ST6GALNAC3: variants seen among roughly 807,000 people sequenced by gnomAD.
ST6GALNAC3 encodes the protein alpha-N-acetylgalactosaminide alpha-2,6-sialyltransferase 3.
Under a neutral mutation model 32.7 loss-of-function variants are expected in ST6GALNAC3, and 25 were observed. That is an observed-to-expected ratio of 0.76 (90% CI 0.56 to 1.07). ST6GALNAC3 has a LOEUF of 1.07. Ranked by LOEUF, ST6GALNAC3 falls within the 50% of genes least tolerant of loss-of-function variation. ST6GALNAC3 has a pLI of 0.00. For missense variants in ST6GALNAC3, 355 were observed against 382.4 expected (o/e 0.93, Z 0.60); for synonymous variants, 129 against 133.1 (o/e 0.97, Z 0.21).
chr1:76,601,499 G>A (rs1396953524), intron 3 of ST6GALNAC3, among the ~76,000 whole-genome samples: 1 of 152,170 alleles, frequency 6.6e-6, no homozygotes, highest in Non-Finnish European at 1.5e-5. Flanking sequence ...AGTTGAAAGA[G>A]AGGATTAAAG....
At chr1:76,275,047 G>A (rs1052880079) in intron 1 of ST6GALNAC3, among the ~76,000 whole-genome samples, 8 of 152,212 alleles carry the variant, frequency 5.3e-5, no homozygotes, top group African/African-American at 1.4e-4. Context: ...TATGCTCTAC[G>A]GAGACAGTGT....
chr1:76,520,628 C>T (rs1015186145), intron 3 of ST6GALNAC3, among the ~76,000 whole-genome samples: 2 of 152,078 alleles, frequency 1.3e-5, no homozygotes, highest in African/African-American at 4.8e-5. Flanking sequence ...CTTTTATCTG[C>T]ATGGCTTATA....
At chr1:76,474,690 C>T (rs941486522) in intron 3 of ST6GALNAC3, among the ~76,000 whole-genome samples, 1 of 152,036 alleles carries the variant, frequency 6.6e-6, no homozygotes, top group Admixed American at 6.6e-5. Context: ...CCTGTTGTTC[C>T]AGCCTAAAGG....
intron 1 of ST6GALNAC3, among the ~76,000 whole-genome samples, chr1:76,201,202 T>A (rs930244880): frequency 3.9e-5 from 6 of 152,292 alleles, no homozygotes; most frequent in Admixed American, 3.9e-4. Context: ...GGGTAATTTA[T>A]AAAGGAAAGA....
intron 3 of ST6GALNAC3, among the ~76,000 whole-genome samples, chr1:76,565,832 CA>C (rs1407344169): frequency 6.6e-6 from 1 of 152,170 alleles, no homozygotes; most frequent in African/African-American, 2.4e-5. Flanking sequence ...GCCCCTGGAA[CA>C]ATGTAGGGGT....
chr1:76,364,758 A>T (rs1408535596), intron 2 of ST6GALNAC3, among the ~76,000 whole-genome samples: 3 of 152,156 alleles, frequency 2.0e-5, no homozygotes, highest in Non-Finnish European at 4.4e-5. Context: ...TATGAGAGAA[A>T]TGTAAACTAA....
At chr1:76,438,681 A>G (rs991612499) in intron 3 of ST6GALNAC3, among the ~76,000 whole-genome samples, 1 of 152,112 alleles carries the variant, frequency 6.6e-6, no homozygotes, top group Non-Finnish European at 1.5e-5. Flanking sequence ...TCTTCTACCT[A>G]TAATTCCAGT....
In ST6GALNAC3 at chr1:76,630,411, T is replaced by C; in HGVS notation, c.*1605T>C. On this transcript the variant is annotated 3_prime_UTR_variant, in exon 5 of 5. Transcript: ENST00000328299. ...GGAAATGAAGGCAGAGAAATATAGT[T>C]TCCTTTCCTAGGATTGAGACAATTC... 1 of 985,212 alleles carries C rather than the reference T, an allele frequency of 1.0e-6. No homozygotes were observed. Among genetic ancestry groups the C allele is most frequent in the African/African-American group, 1.7e-5 (1 of 57,322 alleles). The allele number at this position is 985,212 out of a possible 1,614,324, so 61.0% of individuals were successfully genotyped here. A position where few individuals can be genotyped will look rare whatever the true frequency, so the allele number is the denominator to read the frequency against.
At chr1:76,623,691 G>C (rs984568234) in intron 3 of ST6GALNAC3, among the ~76,000 whole-genome samples, 1 of 151,932 alleles carries the variant, frequency 6.6e-6, no homozygotes, top group African/African-American at 2.4e-5. Context: ...TTCCAAGCTG[G>C]AAATCATAAA....
intron 1 of ST6GALNAC3, among the ~76,000 whole-genome samples, chr1:76,252,641 A>T (rs1463256235): frequency 2.0e-5 from 3 of 152,082 alleles, no homozygotes; most frequent in African/African-American, 4.8e-5. Flanking sequence ...AAGCCAATGA[A>T]CGGCAGTTGT....
intron 1 of ST6GALNAC3, among the ~76,000 whole-genome samples, chr1:76,256,905 A>G (rs1657955751): frequency 6.6e-6 from 1 of 152,146 alleles, no homozygotes; most frequent in African/African-American, 2.4e-5. Flanking sequence ...TACCCTGTCC[A>G]CATTCAGGGC....
intron 1 of ST6GALNAC3, among the ~76,000 whole-genome samples, chr1:76,196,776 T>C (rs530037568): frequency 6.6e-6 from 1 of 152,312 alleles, no homozygotes; most frequent in East Asian, 1.9e-4. Flanking sequence ...CAATACTTTT[T>C]TTAAAGAGTG....
intron 3 of ST6GALNAC3, among the ~76,000 whole-genome samples, chr1:76,423,981 A>G (rs1240250251): frequency 1.3e-5 from 2 of 151,972 alleles, no homozygotes; most frequent in Non-Finnish European, 2.9e-5. Context: ...GTCCTACACT[A>G]CATCAGCTGT....
chr1:76,398,524 A>G (rs1653158585), intron 2 of ST6GALNAC3, among the ~76,000 whole-genome samples: 2 of 152,252 alleles, frequency 1.3e-5, no homozygotes, highest in African/African-American at 2.4e-5. Flanking sequence ...CTTTTACTAT[A>G]TGCTTTATTC....
At chr1:76,540,664 T>C (rs1393137125) in intron 3 of ST6GALNAC3, among the ~76,000 whole-genome samples, 3 of 152,100 alleles carry the variant, frequency 2.0e-5, no homozygotes, top group African/African-American at 7.2e-5. Flanking sequence ...ATGGTATAAA[T>C]TGTGATAAAA....
chr1:76,224,594 C>CA (rs1553166989), intron 1 of ST6GALNAC3, among the ~76,000 whole-genome samples: 1 of 152,166 alleles, frequency 6.6e-6, no homozygotes, highest in Non-Finnish European at 1.5e-5. Context: ...TTCTTCAACA[C>CA]AGAGTATAAC....
chr1:76,358,789 T>C (rs1439469949), intron 2 of ST6GALNAC3, among the ~76,000 whole-genome samples: 6 of 152,154 alleles, frequency 3.9e-5, no homozygotes, highest in African/African-American at 1.4e-4. Flanking sequence ...CACTCCAACC[T>C]CATCTCATAC....
intron 3 of ST6GALNAC3, among the ~76,000 whole-genome samples, chr1:76,544,975 C>T (rs1347766014): frequency 6.6e-6 from 1 of 152,148 alleles, no homozygotes; most frequent in Non-Finnish European, 1.5e-5. Context: ...TGCATGAAAT[C>T]CTCTCTCCAT....
At position 76,095,360 on chromosome 1, in the gene ST6GALNAC3, T is replaced by C. The variant is rs114833834; in HGVS notation, c.18+20476T>C. Among the ~76,000 whole-genome samples the C allele has an allele frequency of 5.8e-3, 876 of 152,316 alleles. 10 individuals carry two copies. Among genetic ancestry groups the C allele is most frequent in the African/African-American group, 0.02 (831 of 41,552 alleles). On this transcript the variant is annotated intron_variant, in intron 1 of 4. Transcript: ENST00000328299. ...AATTTGTACTCTACTTGTTTTGATA[T>C]CATTTATGGCAACTTTATGTATTAT...
Sources: gnomAD v4.1 joint callset for allele counts (sites outside exome capture counted in the v4.1 genomes callset) on GRCh38, gnomAD v4.1.1 for gene constraint, MANE v1.5 for transcripts, NCBI Gene and HGNC (gene_info 2026-07-23, HGNC 2026-07-21) for gene names.